The following CCDC18 variants were observed in gnomAD, a reference collection of about 807,000 sequenced individuals.
CCDC18 encodes the protein coiled-coil domain-containing protein 18.
In CCDC18, 157 loss-of-function variants were observed where a neutral mutation model predicts 196.0. The observed-to-expected ratio is 0.80, with a 90% CI of 0.70 to 0.91. The LOEUF is 0.91. Ranked by LOEUF, CCDC18 falls within the 40% of genes least tolerant of loss-of-function variation. CCDC18 has a pLI of 0.00. For synonymous variants in CCDC18, 482 were observed against 529.2 expected, an observed-to-expected ratio of 0.91 and a Z score of 1.22; for missense variants, 1,465 against 1,611.6, an observed-to-expected ratio of 0.91 and a Z score of 1.56.
chr1:93,217,966 A>G (rs545476501), intron 14 of CCDC18, 97 bp downstream of exon 14: 1 of 1,037,648 alleles, frequency 9.6e-7, no homozygotes, highest in African/African-American at 1.6e-5. Flanking sequence ...ACAAAGATAC[A>G]CAAAAGTTAG....
chr1:93,216,860 A>G, intron 13 of CCDC18, 114 bp downstream of exon 13: 1 of 573,650 alleles, frequency 1.7e-6, no homozygotes, highest in African/African-American at 2.0e-5. Context: ...TATAAATTCT[A>G]CTAAACTCTT....
chr1:93,270,661 G>A lies in CCDC18; in HGVS notation c.4200G>A (p.Gln1400=), dbSNP rs966650361. 3.2e-6 allele frequency: 5 copies of A among 1,550,340 alleles called. No individual in the cohort carries two copies. The highest frequency in any genetic ancestry group is 1.7e-4 in the Middle Eastern group (1 of 5,986). Residue 1400 remains glutamine (Q), a synonymous_variant, in exon 28 of 29, where the codon CAG becomes CAA. Coordinates refer to ENST00000690025, the MANE Select transcript of CCDC18 (RefSeq NM_001378204.1). ...EESHKNLTYT[Q]PDSFKPLTYN... ...GCCATAAGAATCTGACTTACACCCA[G>A]CCAGACTCATTTAAACCTCTCACAT...
intron 21 of CCDC18, among the ~76,000 whole-genome samples, chr1:93,242,997 T>C (rs1661021959): frequency 6.6e-6 from 1 of 152,178 alleles, no homozygotes; most frequent in Non-Finnish European, 1.5e-5. Context: ...TTTTCCAGGC[T>C]CATGGTGCAA....
intron 4 of CCDC18, among the ~76,000 whole-genome samples, chr1:93,191,563 G>A (rs1269482647): frequency 6.6e-6 from 1 of 152,058 alleles, no homozygotes; most frequent in Non-Finnish European, 1.5e-5. Context: ...TTATTATACA[G>A]ATTGTAGGGT....
At chr1:93,269,632 A>G (rs915289838) in intron 27 of CCDC18, 1 of 152,158 alleles carries the variant, frequency 6.6e-6, no homozygotes, top group Non-Finnish European at 1.5e-5. Context: ...TATCTTATGG[A>G]TACCTTTAAG....
At chr1:93,196,668 A>C (rs1477209151) in intron 6 of CCDC18, among the ~76,000 whole-genome samples, 1 of 152,222 alleles carries the variant, frequency 6.6e-6, no homozygotes, top group Non-Finnish European at 1.5e-5. Context: ...TAAGGCTTGA[A>C]GTGTTGAATA....
rs550574161 is a variant in CCDC18, at chr1:93,239,474, G to C, written c.2767+1G>C. 2.5e-6 allele frequency: 4 copies of C among 1,607,086 alleles called. No individual in the cohort carries two copies. In the South Asian group the frequency reaches 4.4e-5, roughly 18 times the overall value. The stretch of plus-strand genomic sequence containing the variant: ...GAGCTAGAAAAGAAAACAAATGCTG[G>C]TAAGCAAGTGGTTAGATGAGTATAG... On this transcript the variant is annotated splice_donor_variant, in intron 20 of 28. Transcript: ENST00000690025. LOFTEE classifies it high-confidence loss of function.
At chr1:93,179,940 G>A (rs1649235193), upstream of CCDC18, 1 of 1,193,268 alleles carries the variant, frequency 8.4e-7, no homozygotes, top group African/African-American at 1.6e-5. Context: ...TTCCTGAACG[G>A]CCCTCGCCTC....
At chr1:93,234,149 A>C (rs1659670757) in intron 18 of CCDC18, among the ~76,000 whole-genome samples, 1 of 148,842 alleles carries the variant, frequency 6.7e-6, no homozygotes, top group Admixed American at 6.6e-5. Flanking sequence ...TTTTTTAACA[A>C]GTTCACTTTT....
rs138342183 is a variant in CCDC18, at chr1:93,266,817, A to G, written c.3885+1916A>G. 8.8e-3 allele frequency among the ~76,000 whole-genome samples: 1,342 copies of G among 152,300 alleles called. 15 individuals carry two copies. Among genetic ancestry groups the G allele is most frequent in the African/African-American group, 0.03 (1,267 of 41,548 alleles). On this transcript the variant is annotated intron_variant, in intron 27 of 28. Coordinates refer to ENST00000690025, the MANE Select transcript of CCDC18 (RefSeq NM_001378204.1). ...GCAGTAATTAATAGCCTACCAACCA[A>G]AAAAAGTCCAGGACCAGACAGATTC...
intron 21 of CCDC18, among the ~76,000 whole-genome samples, chr1:93,242,899 T>C (rs1238391042): frequency 6.6e-6 from 1 of 152,214 alleles, no homozygotes; most frequent in Non-Finnish European, 1.5e-5. Context: ...GTGGGTTTCC[T>C]TGGTCTTGGC....
chr1:93,215,044 A>G, intron 12 of CCDC18, 78 bp downstream of exon 12: 1 of 915,218 alleles, frequency 1.1e-6, no homozygotes, highest in Non-Finnish European at 1.6e-6. Flanking sequence ...TTTTATAAAA[A>G]TTATATGTTT....
At chr1:93,269,675 A>ATACT (rs1665028109) in intron 27 of CCDC18, 1 of 152,132 alleles carries the variant, frequency 6.6e-6, no homozygotes, top group Admixed American at 6.5e-5. Flanking sequence ...GGAGACTACT[A>ATACT]TACTTACATT....
intron 21 of CCDC18, among the ~76,000 whole-genome samples, chr1:93,245,706 C>T (rs1661412730): frequency 6.6e-6 from 1 of 151,944 alleles, no homozygotes; most frequent in African/African-American, 2.4e-5. Flanking sequence ...GGTTAAATGC[C>T]TCATTCAATT....
At chr1:93,256,654 T>G in intron 25 of CCDC18, 116 bp downstream of exon 25, 1 of 820,604 alleles carries the variant, frequency 1.2e-6, no homozygotes, top group Non-Finnish European at 1.9e-6. Context: ...ACAGTGTGAA[T>G]GTACTTAATC....
chr1:93,197,258 A>G (rs1652874744), intron 6 of CCDC18, among the ~76,000 whole-genome samples: 1 of 152,200 alleles, frequency 6.6e-6, no homozygotes, highest in African/African-American at 2.4e-5. Context: ...TTATTTTCAC[A>G]ATGAACAAGA....
At position 93,247,011 on chromosome 1, in the gene CCDC18, A is replaced by T. The variant is rs1661576969; in HGVS notation, c.3198+57A>T. 3.3e-5 allele frequency: 24 copies of T among 731,880 alleles called. 1 individual carries two copies. The South Asian group carries it at 4.0e-4, about 12-fold the overall frequency. 45.3% of individuals were successfully genotyped at this position (731,880 alleles called of 1,614,324 possible). On this transcript the variant is annotated intron_variant, in intron 23 of 28. Transcript: ENST00000690025. ...TATTTTTTAAAAAATTCAAACTGTA[A>T]CTAAAAACACCCCTTCAAATAGTGG...
At position 93,184,018 on chromosome 1, in the gene CCDC18, T is replaced by C; in HGVS notation, c.175T>C (p.Ser59Pro). ...AAATTCTGATTATGCCCCTAATCCTTCAAGGTCTGAAAAGCTAATTTTGGA... is the reference window on the plus strand; with the variant it reads ...AAATTCTGATTATGCCCCTAATCCTCCAAGGTCTGAAAAGCTAATTTTGGA... Reference protein sequence around the residue: ...SENSDYAPNPSRSEKLILDVQ... With the variant: ...SENSDYAPNPPRSEKLILDVQ... Residue 59 changes from serine to proline, a missense_variant, in exon 3 of 29, where the codon TCA (serine) becomes CCA (proline). Coordinates refer to ENST00000690025, the MANE Select transcript of CCDC18 (RefSeq NM_001378204.1). 1 of 1,579,078 alleles carries C rather than the reference T, an allele frequency of 6.3e-7. No individual in the cohort carries two copies. The highest frequency in any genetic ancestry group is 8.6e-7 in the Non-Finnish European group (1 of 1,158,610).
At chr1:93,234,973 G>GTGTGTGTGTGTGTGTGTGT (rs1557668666) in intron 18 of CCDC18, among the ~76,000 whole-genome samples, 9 of 146,300 alleles carry the variant, frequency 6.2e-5, no homozygotes, top group East Asian at 6.0e-4. Context: ...GTGTGTGTGT[G>GTGTGTGTGTGTGTGTGTGT]GCTTTTCTTT....
Sources: gnomAD v4.1 joint callset for allele counts (sites outside exome capture counted in the v4.1 genomes callset) on GRCh38, gnomAD v4.1.1 for gene constraint, MANE v1.5 for transcripts, NCBI Gene and HGNC (gene_info 2026-07-23, HGNC 2026-07-21) for gene names.